Variants in CDH12 observed in about 807,000 individuals in gnomAD.
CDH12 encodes the protein cadherin 12.
A neutral mutation model predicts 74.1 loss-of-function variants in CDH12; 41 were observed. That is an observed-to-expected ratio of 0.55 (90% CI 0.43 to 0.72). The LOEUF is 0.72. Among genes scored for constraint, CDH12 ranks in the 30% least tolerant of loss-of-function variants. CDH12 has a pLI of 0.00. For missense variants in CDH12, 945 were observed against 977.2 expected (o/e 0.97, Z 0.44); for synonymous variants, 399 against 355.0 (o/e 1.12, Z -1.39).
chr5:22,167,048 A>G (rs1201077200), intron 4 of CDH12, among the ~76,000 whole-genome samples: 1 of 152,206 alleles, frequency 6.6e-6, no homozygotes, highest in Non-Finnish European at 1.5e-5. Context: ...ACTGAGCATA[A>G]TAAAGGAGGC....
intron 10 of CDH12, among the ~76,000 whole-genome samples, chr5:21,796,074 G>C (rs1404939999): frequency 1.3e-5 from 2 of 151,968 alleles, no homozygotes; most frequent in Non-Finnish European, 2.9e-5. Flanking sequence ...TTACCTACTT[G>C]ATTTTAAGTG....
intron 1 of CDH12, among the ~76,000 whole-genome samples, chr5:22,657,332 G>A (rs1454655979): frequency 2.0e-5 from 3 of 152,086 alleles, no homozygotes; most frequent in Non-Finnish European, 4.4e-5. Context: ...CTGATTATGT[G>A]AGTATATACT....
At chr5:22,209,441 A>G (rs1751405394) in intron 4 of CDH12, among the ~76,000 whole-genome samples, 2 of 152,218 alleles carry the variant, frequency 1.3e-5, no homozygotes, top group African/African-American at 4.8e-5. Flanking sequence ...ATCTTTCACT[A>G]TTAACGTGAG....
intron 2 of CDH12, among the ~76,000 whole-genome samples, chr5:22,427,907 TATC>T (rs1262880004): frequency 1.3e-5 from 2 of 152,198 alleles, no homozygotes; most frequent in African/African-American, 4.8e-5. Context: ...TTTTGTGAAA[TATC>T]ATTTTTATTC....
chr5:21,757,058 A>T (rs545373044), intron 13 of CDH12, among the ~76,000 whole-genome samples: 1 of 152,354 alleles, frequency 6.6e-6, no homozygotes, highest in East Asian at 1.9e-4. Flanking sequence ...AGTGAAAATG[A>T]CTAATAGAAA....
At chr5:22,429,359 G>T (rs1051788157) in intron 2 of CDH12, among the ~76,000 whole-genome samples, 1 of 151,948 alleles carries the variant, frequency 6.6e-6, no homozygotes, top group South Asian at 2.1e-4. Context: ...GGTTGTTCTT[G>T]AATTCCTGGA....
At chr5:21,982,470 T>C (rs1757345728) in intron 5 of CDH12, among the ~76,000 whole-genome samples, 1 of 151,730 alleles carries the variant, frequency 6.6e-6, no homozygotes, top group South Asian at 2.1e-4. Flanking sequence ...GATATATATA[T>C]ACCTATATAG....
intron 3 of CDH12, among the ~76,000 whole-genome samples, chr5:22,373,679 T>G (rs911119184): frequency 6.6e-6 from 1 of 152,220 alleles, no homozygotes; most frequent in African/African-American, 2.4e-5. Flanking sequence ...ATACAACTGA[T>G]GCTGTTTACC....
At chr5:21,956,704 G>A (rs1308485940) in intron 6 of CDH12, among the ~76,000 whole-genome samples, 2 of 151,904 alleles carry the variant, frequency 1.3e-5, no homozygotes, top group Non-Finnish European at 2.9e-5. Context: ...TTCATAGATA[G>A]GATATTCTTT....
intron 5 of CDH12, among the ~76,000 whole-genome samples, chr5:21,987,598 T>C (rs1157700323): frequency 6.6e-6 from 1 of 152,180 alleles, no homozygotes; most frequent in Admixed American, 6.5e-5. Flanking sequence ...GATCTCTTGA[T>C]CAGAACAGAA....
intron 4 of CDH12, among the ~76,000 whole-genome samples, chr5:22,079,513 C>T (rs772143795): frequency 6.6e-5 from 10 of 152,012 alleles, no homozygotes; most frequent in Non-Finnish European, 4.4e-5. Context: ...AATGTAAAAG[C>T]GAATCATCTT....
intron 4 of CDH12, among the ~76,000 whole-genome samples, chr5:22,100,832 T>C (rs1213563134): frequency 6.6e-6 from 1 of 152,156 alleles, no homozygotes; most frequent in Non-Finnish European, 1.5e-5. Context: ...GGGATATAAA[T>C]GGGTTTTCTT....
intron 5 of CDH12, among the ~76,000 whole-genome samples, chr5:21,980,564 G>A (rs560797931): frequency 3.3e-5 from 5 of 152,134 alleles, no homozygotes; most frequent in African/African-American, 1.2e-4. Flanking sequence ...TTGTCCCTGT[G>A]TTTATGCTCA....
chr5:22,051,348 CTT>C (rs1395599754), intron 5 of CDH12, among the ~76,000 whole-genome samples: 1 of 152,090 alleles, frequency 6.6e-6, no homozygotes, highest in Non-Finnish European at 1.5e-5. Flanking sequence ...CCAAATAATA[CTT>C]TCTTTATTGA....
chr5:22,320,522 T>C (rs928835945), intron 3 of CDH12, among the ~76,000 whole-genome samples: 2 of 152,092 alleles, frequency 1.3e-5, no homozygotes, highest in Non-Finnish European at 1.5e-5. Context: ...TAAAAATATG[T>C]AGGATATTTT....
At chr5:21,776,321 T>C (rs987229917) in intron 11 of CDH12, among the ~76,000 whole-genome samples, 1 of 152,154 alleles carries the variant, frequency 6.6e-6, no homozygotes, top group Non-Finnish European at 1.5e-5. Context: ...AGATTCACCA[T>C]AAATGGATTC....
At chr5:21,944,979 A>G (rs1026588259) in intron 6 of CDH12, among the ~76,000 whole-genome samples, 1 of 152,186 alleles carries the variant, frequency 6.6e-6, no homozygotes, top group Admixed American at 6.5e-5. Context: ...GTTACACATC[A>G]ATAGGGAACC....
At chr5:22,259,590 T>G (rs1296723275) in intron 3 of CDH12, among the ~76,000 whole-genome samples, 2 of 152,094 alleles carry the variant, frequency 1.3e-5, no homozygotes, top group African/African-American at 4.8e-5. Flanking sequence ...CCAATGAAAC[T>G]ATACTATTTT....
intron 2 of CDH12, among the ~76,000 whole-genome samples, chr5:22,495,105 G>A (rs756454681): frequency 2.2e-4 from 33 of 152,072 alleles, no homozygotes; most frequent in Non-Finnish European, 2.6e-4. Context: ...CAGACCCCAC[G>A]GGTATACAGG....
Sources: gnomAD v4.1 joint callset for allele counts (sites outside exome capture counted in the v4.1 genomes callset) on GRCh38, gnomAD v4.1.1 for gene constraint, MANE v1.5 for transcripts, NCBI Gene and HGNC (gene_info 2026-07-23, HGNC 2026-07-21) for gene names.